WDR64: variants seen among roughly 807,000 people sequenced by gnomAD.
WDR64 encodes the protein WD repeat domain 64, also known as WD repeat-containing protein 64.
Under a neutral mutation model 139.3 loss-of-function variants are expected in WDR64, and 112 were observed. The ratio of observed to expected loss-of-function variants is 0.80; its 90% CI spans 0.69 to 0.94. The LOEUF is 0.94. Among genes scored for constraint, WDR64 ranks in the 40% least tolerant of loss-of-function variants. WDR64 has a pLI of 0.00. For synonymous variants in WDR64, 444 were observed against 437.7 expected (o/e 1.01, Z -0.18); for missense variants, 1,206 against 1,293.1 (o/e 0.93, Z 1.03).
intron 2 of WDR64, among the ~76,000 whole-genome samples, chr1:241,666,130 A>G (rs1041336019): frequency 3.9e-5 from 6 of 152,312 alleles, no homozygotes; most frequent in Admixed American, 3.9e-4. Flanking sequence ...AGCATAGTTA[A>G]AATAAAATTA....
chr1:241,664,233 T>C lies in WDR64; in HGVS notation c.276+3573T>C, dbSNP rs1023145441. Among the ~76,000 whole-genome samples, 4 of 152,344 alleles carry C rather than the reference T, an allele frequency of 2.6e-5. No homozygotes were observed. The South Asian group carries it at 6.2e-4, about 24-fold the overall frequency. ...AATGTCATTAAACTTGGGATAGATGTGATTTTGAGAATCAGGTTTTCTCAC... is the reference window on the plus strand; with the variant it reads ...AATGTCATTAAACTTGGGATAGATGCGATTTTGAGAATCAGGTTTTCTCAC... On this transcript the variant is annotated intron_variant, in intron 2 of 27. Transcript: ENST00000437684.
Position 241,652,432 on chromosome 1 carries a change from G to A in WDR64, c.-53G>A, listed in dbSNP as rs1665395323. 6.6e-7 allele frequency: 1 copy of A among 1,515,794 alleles called. No homozygotes were observed. Among genetic ancestry groups the A allele is most frequent in the Admixed American group, 2.2e-5 (1 of 44,626 alleles). The allele number at this position is 1,515,794 out of a possible 1,614,324, so 93.9% of individuals were successfully genotyped here. A position where few individuals can be genotyped will look rare whatever the true frequency, so the allele number is the denominator to read the frequency against. On this transcript the variant is annotated 5_prime_UTR_variant, in exon 1 of 28. Transcript: ENST00000437684. ...TAACAACTGGAAAGTTTTCCAAATT[G>A]GTAAACTTGCAGTATTCTTTCTGTA...
intron 2 of WDR64, among the ~76,000 whole-genome samples, chr1:241,667,927 C>A (rs564809560): frequency 5.9e-5 from 9 of 152,082 alleles, no homozygotes; most frequent in Admixed American, 4.6e-4. Context: ...GGAAAAGTGT[C>A]AAAGTTCAAT....
chr1:241,787,665 CA>C (rs58063137), intron 23 of WDR64, among the ~76,000 whole-genome samples, 183 bp from the exon 24 acceptor site: 9,238 of 116,518 alleles, frequency 0.079, 280 homozygotes, highest in South Asian at 0.16. Flanking sequence ...AACTCCATCT[CA>C]AAAAAAAAAA....
chr1:241,658,688 G>A (rs868675525), intron 1 of WDR64, among the ~76,000 whole-genome samples: 40 of 147,138 alleles, frequency 2.7e-4, no homozygotes, highest in African/African-American at 8.8e-4. Flanking sequence ...TCCACCTTCC[G>A]CTCAAGATGA....
intron 15 of WDR64, among the ~76,000 whole-genome samples, chr1:241,764,240 C>T (rs1658045404): frequency 6.6e-6 from 1 of 152,164 alleles, no homozygotes; most frequent in Admixed American, 6.5e-5. Flanking sequence ...TGAGAAATGA[C>T]ACGATCAGAT....
chr1:241,721,146 T>C (rs1668594403), intron 9 of WDR64, among the ~76,000 whole-genome samples: 1 of 152,208 alleles, frequency 6.6e-6, no homozygotes, highest in African/African-American at 2.4e-5. Flanking sequence ...TATGTTCCAT[T>C]GGTCTATGTG....
In WDR64 at chr1:241,800,849, A is replaced by T. The variant is rs1314923580; in HGVS notation, c.3193-283A>T. Among the ~76,000 whole-genome samples, 6 of 151,938 alleles carry T rather than the reference A, an allele frequency of 3.9e-5. No homozygotes were observed. The East Asian group carries it at 1.2e-3, about 29-fold the overall frequency. On this transcript the variant is annotated intron_variant, in intron 27 of 27. Transcript: ENST00000437684. Reference sequence around the variant, plus strand: ...CCAAGTCTTGTTTTGTTTTGTTTTGACCCAACCCTTTCCACACTGTGCAGC... The same window carrying T: ...CCAAGTCTTGTTTTGTTTTGTTTTGTCCCAACCCTTTCCACACTGTGCAGC...
At position 241,656,912 on chromosome 1, in the gene WDR64, C is replaced by CTG. The variant is rs1326609103; in HGVS notation, c.146-3616_146-3615dup. 2.0e-5 allele frequency among the ~76,000 whole-genome samples: 3 copies of CTG among 148,062 alleles called. No homozygotes were observed. The highest frequency in any genetic ancestry group is 3.0e-5 in the Non-Finnish European group (2 of 67,478). ...TGTGTGTGTGTGTGTGTGTGTGTGT[C>CTG]TGTCTGGGGATGGAGGTGAGGTGCA... On this transcript the variant is annotated intron_variant, in intron 1 of 27. Transcript: ENST00000437684. This position sits in a 1 kb window ranked among gnomAD's most constrained non-coding sequence, Gnocchi z 4.3.
chr1:241,795,694 C>T (rs1659343343), intron 26 of WDR64, among the ~76,000 whole-genome samples: 1 of 152,090 alleles, frequency 6.6e-6, no homozygotes, highest in Non-Finnish European at 1.5e-5. Flanking sequence ...TGAAACTGTG[C>T]CCGTGCTGCC....
rs1032192900 is a variant in WDR64 at position 241,795,303 on chromosome 1, TAGG to T, written c.3078+19_3078+21del. 1.2e-6 allele frequency: 2 copies of T among 1,608,896 alleles called. No individual in the cohort carries two copies. The highest frequency in any genetic ancestry group is 1.7e-6 in the Non-Finnish European group (2 of 1,176,714). On this transcript the variant is annotated intron_variant, in intron 26 of 27. Transcript: ENST00000437684. The stretch of plus-strand genomic sequence containing the variant: ...TATATACAGTGTGAGTTGGAGTTTC[TAGG>T]AGTAGAGGGGTCACAGAACAGTAGA...
At chr1:241,727,912 A>G (rs1424005479) in intron 10 of WDR64, among the ~76,000 whole-genome samples, 2 of 152,054 alleles carry the variant, frequency 1.3e-5, no homozygotes, top group Non-Finnish European at 2.9e-5. Context: ...AGAAATAGAA[A>G]ACATAGTGGT....
intron 9 of WDR64, among the ~76,000 whole-genome samples, chr1:241,721,106 G>A (rs569451766): frequency 6.6e-6 from 1 of 152,248 alleles, no homozygotes; most frequent in East Asian, 1.9e-4. Context: ...GCTGGTTGTA[G>A]ATGTGTGGTT....
At chr1:241,719,601 T>G in intron 9 of WDR64, among the ~76,000 whole-genome samples, 1 of 152,122 alleles carries the variant, frequency 6.6e-6, no homozygotes, top group East Asian at 1.9e-4. Flanking sequence ...TCTATCAAAT[T>G]TGCCTGGTTT....
intron 8 of WDR64, among the ~76,000 whole-genome samples, chr1:241,691,423 C>A (rs889558496): frequency 1.3e-5 from 2 of 151,980 alleles, no homozygotes; most frequent in East Asian, 3.9e-4. Context: ...TATAAGAAAC[C>A]CACTTTAAAT....
At chr1:241,734,365 C>A (rs554182769) in intron 10 of WDR64, among the ~76,000 whole-genome samples, 1 of 152,228 alleles carries the variant, frequency 6.6e-6, no homozygotes, top group Admixed American at 6.5e-5. Flanking sequence ...CGTGTGTCCT[C>A]AACCTTGGCA....
At chr1:241,674,402 A>G (rs1167526904) in intron 3 of WDR64, among the ~76,000 whole-genome samples, 1 of 151,602 alleles carries the variant, frequency 6.6e-6, no homozygotes, top group African/African-American at 2.4e-5. Flanking sequence ...GACTATAGGC[A>G]TGACCCATCA....
chr1:241,794,509 T>TTTG (rs796356176), intron 25 of WDR64, among the ~76,000 whole-genome samples: 4 of 139,722 alleles, frequency 2.9e-5, no homozygotes, highest in African/African-American at 1.1e-4. Context: ...TTACTGTTTT[T>TTTG]TTTTTTTTTT....
At chr1:241,679,807 G>A (rs1021365459) in intron 6 of WDR64, among the ~76,000 whole-genome samples, 6 of 152,062 alleles carry the variant, frequency 3.9e-5, no homozygotes, top group East Asian at 3.9e-4. Flanking sequence ...GTTCAGTGGC[G>A]GTTGGGTTGT....
Sources: gnomAD v4.1 joint callset for allele counts (sites outside exome capture counted in the v4.1 genomes callset) on GRCh38, gnomAD v4.1.1 for gene constraint, Gnocchi (gnomAD v3.1) non-coding constraint, MANE v1.5 for transcripts, NCBI Gene and HGNC (gene_info 2026-07-23, HGNC 2026-07-21) for gene names.